Variants in CSRNP3 observed in about 807,000 individuals in gnomAD.
CSRNP3 encodes the protein cysteine/serine-rich nuclear protein 3.
CSRNP3 carries 12 observed loss-of-function variants against 48.0 expected under a neutral mutation model. That is an observed-to-expected ratio of 0.25 (90% CI 0.16 to 0.41). The LOEUF (loss-of-function observed/expected upper bound fraction) is 0.41. Among genes scored for constraint, CSRNP3 ranks in the 10% least tolerant of loss-of-function variants. The pLI is 1.00. For synonymous variants in CSRNP3, 263 were observed against 269.7 expected, an observed-to-expected ratio of 0.98 and a Z score of 0.24; for missense variants, 580 against 724.4, an observed-to-expected ratio of 0.80 and a Z score of 2.29.
intron 4 of CSRNP3, among the ~76,000 whole-genome samples, chr2:165,616,319 T>C (rs896966200): frequency 6.6e-6 from 1 of 152,168 alleles, no homozygotes; most frequent in Non-Finnish European, 1.5e-5. Context: ...TTTAATTTGT[T>C]TCTCATTTGT....
intron 2 of CSRNP3, among the ~76,000 whole-genome samples, chr2:165,508,135 C>A (rs73969263): frequency 0.01 from 1,567 of 152,080 alleles, 28 homozygotes; most frequent in African/African-American, 0.033. Flanking sequence ...CTATTTTCTG[C>A]AGCTGAACAT....
chr2:165,516,687 T>C (rs1236881080), intron 2 of CSRNP3, among the ~76,000 whole-genome samples: 1 of 152,158 alleles, frequency 6.6e-6, no homozygotes, highest in African/African-American at 2.4e-5. Flanking sequence ...AATCTGGGGT[T>C]ACTCAGAACC....
chr2:165,571,114 A>G (rs1029793912), intron 3 of CSRNP3, among the ~76,000 whole-genome samples: 1 of 151,986 alleles, frequency 6.6e-6, no homozygotes, highest in African/African-American at 2.4e-5. Flanking sequence ...AAGCAAATAT[A>G]CATATATATG....
intron 3 of CSRNP3, among the ~76,000 whole-genome samples, chr2:165,523,931 T>G (rs772612489): frequency 2.0e-5 from 3 of 152,234 alleles, no homozygotes; most frequent in Non-Finnish European, 4.4e-5. Flanking sequence ...GCTGTTATCA[T>G]GACTTTGTTA....
chr2:165,558,414 C>T lies in CSRNP3; in HGVS notation c.-23-36629C>T, dbSNP rs75217932. Among the ~76,000 whole-genome samples, 1,105 of 152,214 alleles carry T rather than the reference C, an allele frequency of 7.3e-3. 6 individuals carry two copies. Among genetic ancestry groups the T allele is most frequent in the Middle Eastern group, 0.024 (7 of 294 alleles). ...GACCAGCTTGAGGTTTACCTTTTAT[C>T]GTGGCATGTATATTTTCAAAGGTTT... On this transcript the variant is annotated intron_variant, in intron 3 of 6. Coordinates refer to ENST00000651982, the MANE Select transcript of CSRNP3 (RefSeq NM_001172173.2).
At chr2:165,479,953 A>G (rs929361940) in intron 1 of CSRNP3, among the ~76,000 whole-genome samples, 1 of 151,890 alleles carries the variant, frequency 6.6e-6, no homozygotes, top group Non-Finnish European at 1.5e-5. Context: ...AGGCCAGAAT[A>G]AAGGTGTCAC....
intron 3 of CSRNP3, among the ~76,000 whole-genome samples, chr2:165,545,282 G>A (rs1685010011): frequency 6.6e-6 from 1 of 152,110 alleles, no homozygotes; most frequent in African/African-American, 2.4e-5. Flanking sequence ...CAAAGAAAAG[G>A]GGCAGTCACT....
intron 1 of CSRNP3, among the ~76,000 whole-genome samples, chr2:165,479,640 T>A (rs569039410): frequency 6.6e-6 from 1 of 152,302 alleles, no homozygotes; most frequent in Admixed American, 6.5e-5. Flanking sequence ...GCATAGGCAC[T>A]TTGGGAGGCC....
chr2:165,569,282 G>A (rs1285630918), intron 3 of CSRNP3, among the ~76,000 whole-genome samples: 2 of 152,054 alleles, frequency 1.3e-5, no homozygotes, highest in Non-Finnish European at 2.9e-5. Context: ...GTAGCAAGTG[G>A]TATACATACC....
At chr2:165,500,042 C>CAA (rs112476718) in intron 2 of CSRNP3, among the ~76,000 whole-genome samples, 2,439 of 120,064 alleles carry the variant, frequency 0.02, 55 homozygotes, top group African/African-American at 0.06. Flanking sequence ...TTAGCATCAC[C>CAA]AAAAAAAAAA....
intron 5 of CSRNP3, among the ~76,000 whole-genome samples, chr2:165,665,775 AAG>A (rs10645178): frequency 0.011 from 1,491 of 131,068 alleles, 7 homozygotes; most frequent in African/African-American, 0.022. Context: ...AAAAGAAAGA[AAG>A]AGAGAGAGAG....
rs562946077 is a variant in CSRNP3 at position 165,586,663 on chromosome 2, A to T, written c.-23-8380A>T. Among the ~76,000 whole-genome samples the T allele has an allele frequency of 5.3e-5, 8 of 152,312 alleles. No homozygotes were observed. The South Asian group carries it at 1.4e-3, about 28-fold the overall frequency. On this transcript the variant is annotated intron_variant, in intron 3 of 6. Coordinates refer to ENST00000651982, the MANE Select transcript of CSRNP3 (RefSeq NM_001172173.2). ...TTTTCTGTGGTCATTTCCTTATGAT[A>T]GATAACAGAACAGGAAATAGGGGCA...
At chr2:165,538,660 TTTCATAGTC>T (rs1684913671) in intron 3 of CSRNP3, among the ~76,000 whole-genome samples, 2 of 152,090 alleles carry the variant, frequency 1.3e-5, no homozygotes, top group East Asian at 3.9e-4. Context: ...CTCCCATTTT[TTTCATAGTC>T]ATCTCCAGTA....
chr2:165,665,991 A>AGGAC (rs1358650671), intron 5 of CSRNP3, among the ~76,000 whole-genome samples: 1 of 133,838 alleles, frequency 7.5e-6, no homozygotes, highest in Non-Finnish European at 1.6e-5. Flanking sequence ...AAAGAGAGAA[A>AGGAC]GGAAGGAAGG....
chr2:165,512,570 G>A (rs536123952), intron 2 of CSRNP3, among the ~76,000 whole-genome samples: 37 of 152,250 alleles, frequency 2.4e-4, no homozygotes, highest in African/African-American at 8.4e-4. Flanking sequence ...GAATGACTAA[G>A]TACTATTATT....
rs144393010 is a variant in CSRNP3 at position 165,477,866 on chromosome 2, A to G, written c.-283+8126A>G. On this transcript the variant is annotated intron_variant, in intron 1 of 6. Transcript: ENST00000651982. ...CTGGTGAGTGCCTTCAGTCCCAGCTACCTGGGAGGCCAAGGCAGGAGAATT... is the reference window on the plus strand; with the variant it reads ...CTGGTGAGTGCCTTCAGTCCCAGCTGCCTGGGAGGCCAAGGCAGGAGAATT... Among the ~76,000 whole-genome samples the G allele has an allele frequency of 5.8e-3, 877 of 151,920 alleles. 37 individuals are homozygous for G. Among genetic ancestry groups the G allele is most frequent in the Admixed American group, 0.053 (812 of 15,236 alleles).
At chr2:165,530,874 GAAGAA>G (rs1200089357) in intron 3 of CSRNP3, among the ~76,000 whole-genome samples, 1 of 151,576 alleles carries the variant, frequency 6.6e-6, no homozygotes, top group South Asian at 2.1e-4. Context: ...AAAATCAAAA[GAAGAA>G]AATGTATAGT....
At chr2:165,582,397 A>C (rs1685562775) in intron 3 of CSRNP3, among the ~76,000 whole-genome samples, 1 of 152,220 alleles carries the variant, frequency 6.6e-6, no homozygotes, top group South Asian at 2.1e-4. Flanking sequence ...ATTCCTGTCA[A>C]GTATTCCTCA....
chr2:165,668,521 C>T (rs2105356891), intron 5 of CSRNP3, among the ~76,000 whole-genome samples: 1 of 151,540 alleles, frequency 6.6e-6, no homozygotes, highest in East Asian at 2.0e-4. Context: ...CTTGCCTCAG[C>T]TTCCCAAATA....
Sources: allele counts gnomAD v4.1 joint callset (sites outside exome capture counted in the v4.1 genomes callset), GRCh38; gene constraint gnomAD v4.1.1; transcripts MANE v1.5; gene names NCBI Gene and HGNC (gene_info 2026-07-23, HGNC 2026-07-21).